Variants in ZSWIM5 observed in about 807,000 individuals in gnomAD.
The protein encoded by ZSWIM5 is zinc finger SWIM-type containing 5, also known as zinc finger SWIM domain-containing protein 5.
A neutral mutation model predicts 119.6 loss-of-function variants in ZSWIM5; 55 were observed. The ratio of observed to expected loss-of-function variants is 0.46; its 90% CI spans 0.37 to 0.58. The LOEUF is 0.58. Ranked by LOEUF, ZSWIM5 falls within the 20% of genes least tolerant of loss-of-function variation. ZSWIM5 has a pLI of 0.00. For synonymous variants in ZSWIM5, 537 were observed against 606.9 expected (o/e 0.88, Z 1.69); for missense variants, 1,193 against 1,512.8 (o/e 0.79, Z 3.51).
intron 1 of ZSWIM5, among the ~76,000 whole-genome samples, chr1:45,111,263 G>C (rs1645516084): frequency 6.6e-6 from 1 of 152,146 alleles, no homozygotes; most frequent in Non-Finnish European, 1.5e-5. Flanking sequence ...TGGCTACAGA[G>C]TAAGTTAAAA....
intron 1 of ZSWIM5, among the ~76,000 whole-genome samples, chr1:45,203,416 A>C (rs1450185854): frequency 6.6e-6 from 1 of 151,968 alleles, no homozygotes; most frequent in African/African-American, 2.4e-5. Context: ...TTTCTTAAAA[A>C]GATGTTGTCA....
intron 1 of ZSWIM5, among the ~76,000 whole-genome samples, chr1:45,128,933 A>G (rs1398920862): frequency 6.6e-6 from 1 of 152,142 alleles, no homozygotes; most frequent in Non-Finnish European, 1.5e-5. Context: ...CTTAATATGC[A>G]TTCAAAGTTC....
chr1:45,057,014 C>T lies in ZSWIM5; in HGVS notation c.1252+1595G>A, dbSNP rs182066208. Among the ~76,000 whole-genome samples, 30 of 152,304 alleles carry T rather than the reference C, an allele frequency of 2.0e-4. No individual in the cohort carries two copies. The East Asian group carries it at 4.4e-3, about 23-fold the overall frequency. ...TATAGGCCTTGTGATCTGTAAGGAG[C>T]CCTAAGAATAGCTAGGGGAGCCCTT... is the stretch of plus-strand genomic sequence containing the variant. On this transcript the variant is annotated intron_variant, in intron 4 of 13. Transcript: ENST00000359600. This position sits in a 1 kb window ranked among gnomAD's most constrained non-coding sequence, Gnocchi z 4.7.
chr1:45,182,399 G>A lies in ZSWIM5; in HGVS notation c.595+23357C>T, dbSNP rs182160135. Among the ~76,000 whole-genome samples the A allele has an allele frequency of 4.6e-5, 6 of 131,568 alleles. No individual in the cohort carries two copies. The East Asian group carries it at 8.6e-4, about 19-fold the overall frequency. The allele number at this position is 131,568 out of a possible 152,430, so 86.3% of individuals were successfully genotyped here. ...CGCCTGGGCGACAGAACGAGACTCC[G>A]TCTCAAAAAAACAAACAAACAAACA... On this transcript the variant is annotated intron_variant, in intron 1 of 13. Transcript: ENST00000359600.
chr1:45,159,108 A>T (rs746568638), intron 1 of ZSWIM5, among the ~76,000 whole-genome samples: 3 of 152,150 alleles, frequency 2.0e-5, no homozygotes, highest in Admixed American at 1.3e-4. Context: ...AAAAAGCTTA[A>T]CCTAAAAGCA....
chr1:45,176,133 C>CAT (rs200918456), intron 1 of ZSWIM5, among the ~76,000 whole-genome samples: 25 of 148,052 alleles, frequency 1.7e-4, no homozygotes, highest in Admixed American at 6.1e-4. Flanking sequence ...AACTGAATGC[C>CAT]ATATATATAT....
At chr1:45,109,324 A>T (rs1370044314) in intron 1 of ZSWIM5, among the ~76,000 whole-genome samples, 1 of 152,164 alleles carries the variant, frequency 6.6e-6, no homozygotes, top group East Asian at 1.9e-4. Flanking sequence ...AGTGTCAGCA[A>T]CTCTAGTGAA....
rs1295661957 is a variant in ZSWIM5, at chr1:45,072,493, G to A, written c.953-12246C>T. 6.6e-6 allele frequency among the ~76,000 whole-genome samples: 1 copy of A among 151,854 alleles called. No individual in the cohort carries two copies. Among genetic ancestry groups the A allele is most frequent in the Non-Finnish European group, 1.5e-5 (1 of 68,018 alleles). On this transcript the variant is annotated intron_variant, in intron 2 of 13. Transcript: ENST00000359600. This position sits in a 1 kb window ranked among gnomAD's most constrained non-coding sequence, Gnocchi z 4.1. ...GTGGGTTATTACTCAAGAAATCTTT[G>A]CCCAGTCCAGTGTCCTAGAGAGTTT... is the stretch of plus-strand genomic sequence containing the variant.
intron 11 of ZSWIM5, among the ~76,000 whole-genome samples, chr1:45,022,091 T>C (rs1293783068): frequency 4.0e-5 from 6 of 151,098 alleles, no homozygotes; most frequent in African/African-American, 1.5e-4. Context: ...GTGAGAATTA[T>C]AAAAAATTTG....
intron 1 of ZSWIM5, among the ~76,000 whole-genome samples, chr1:45,159,575 T>C (rs1388828986): frequency 6.6e-6 from 1 of 152,156 alleles, no homozygotes; most frequent in Non-Finnish European, 1.5e-5. Flanking sequence ...GGAGAGGTTA[T>C]TGAGATATGA....
At chr1:45,196,903 G>A (rs1452513432) in intron 1 of ZSWIM5, among the ~76,000 whole-genome samples, 1 of 152,122 alleles carries the variant, frequency 6.6e-6, no homozygotes, top group Non-Finnish European at 1.5e-5. Flanking sequence ...GGTTAACTGG[G>A]CCTACATTTA....
intron 1 of ZSWIM5, among the ~76,000 whole-genome samples, chr1:45,163,770 A>C (rs181371318): frequency 5.9e-5 from 9 of 152,314 alleles, no homozygotes; most frequent in African/African-American, 2.2e-4. Flanking sequence ...AGCTTAGAGA[A>C]AAAAGAGTAA....
At chr1:45,195,584 A>C (rs1211113900) in intron 1 of ZSWIM5, among the ~76,000 whole-genome samples, 5 of 152,180 alleles carry the variant, frequency 3.3e-5, no homozygotes, top group Non-Finnish European at 5.9e-5. Flanking sequence ...AACATGAAGA[A>C]AATTATAGCT....
At chr1:45,180,552 C>T (rs1646010547) in intron 1 of ZSWIM5, among the ~76,000 whole-genome samples, 1 of 152,186 alleles carries the variant, frequency 6.6e-6, no homozygotes, top group Non-Finnish European at 1.5e-5. Flanking sequence ...ACTTAAATGT[C>T]CCTGTCTGAC....
chr1:45,126,336 G>C (rs1174911358), intron 1 of ZSWIM5, among the ~76,000 whole-genome samples: 1 of 151,834 alleles, frequency 6.6e-6, no homozygotes, highest in Non-Finnish European at 1.5e-5. Flanking sequence ...CATGAGGAAT[G>C]AAACAAGGAA....
At chr1:45,197,914 T>C (rs1423057561) in intron 1 of ZSWIM5, among the ~76,000 whole-genome samples, 1 of 152,248 alleles carries the variant, frequency 6.6e-6, no homozygotes, top group Non-Finnish European at 1.5e-5. Context: ...TGATGCTTTA[T>C]AAAATGTATA....
At chr1:45,105,791 CAT>C (rs1645469808) in intron 1 of ZSWIM5, among the ~76,000 whole-genome samples, 1 of 149,108 alleles carries the variant, frequency 6.7e-6, no homozygotes, top group African/African-American at 2.5e-5. Flanking sequence ...CCTGGCTGCC[CAT>C]TGTCTGGGAT....
At chr1:45,047,722 C>A (rs566871399) in intron 5 of ZSWIM5, among the ~76,000 whole-genome samples, 1 of 152,238 alleles carries the variant, frequency 6.6e-6, no homozygotes, top group South Asian at 2.1e-4. Flanking sequence ...AGTAGATGGG[C>A]AAAGACAGTA....
At chr1:45,046,634 A>ATGTGTGTGTGTGTG (rs60762459) in intron 5 of ZSWIM5, among the ~76,000 whole-genome samples, 5,321 of 147,450 alleles carry the variant, frequency 0.036, 123 homozygotes, top group African/African-American at 0.074. Context: ...TGGGCAAGAT[A>ATGTGTGTGTGTGTG]TGTGTGTGTG....
Sources: allele counts gnomAD v4.1 joint callset (sites outside exome capture counted in the v4.1 genomes callset), GRCh38; gene constraint gnomAD v4.1.1; non-coding constraint Gnocchi (gnomAD v3.1); transcripts MANE v1.5; gene names NCBI Gene and HGNC (gene_info 2026-07-23, HGNC 2026-07-21).